The following PUM2 variants were observed in gnomAD, a reference collection of about 807,000 sequenced individuals.
PUM2 encodes the protein pumilio RNA binding family member 2.
In PUM2, 57 loss-of-function variants were observed where a neutral mutation model predicts 124.5. The ratio of observed to expected loss-of-function variants is 0.46; its 90% CI spans 0.37 to 0.57. PUM2 has a LOEUF of 0.57. PUM2 is among the 20% of genes least tolerant of loss of function. PUM2 has a pLI of 0.00. For synonymous variants in PUM2, 460 were observed against 446.1 expected, an observed-to-expected ratio of 1.03 and a Z score of -0.39; for missense variants, 1,065 against 1,290.6, an observed-to-expected ratio of 0.83 and a Z score of 2.68.
chr2:20,265,830 C>G (rs185432010), intron 13 of PUM2, among the ~76,000 whole-genome samples: 2 of 151,604 alleles, frequency 1.3e-5, no homozygotes, highest in East Asian at 3.9e-4. Flanking sequence ...TCCCCCACCC[C>G]ACTTACTCGT....
intron 7 of PUM2, among the ~76,000 whole-genome samples, chr2:20,304,444 CA>C (rs1677733560): frequency 6.6e-6 from 1 of 152,040 alleles, no homozygotes; most frequent in Non-Finnish European, 1.5e-5. Context: ...TTAAATGGTT[CA>C]AAAAAATAAA....
rs1674967428 is a variant in PUM2, at chr2:20,294,319, A to G, written c.1152+57T>C. On this transcript the variant is annotated intron_variant, in intron 9 of 20. Transcript: ENST00000361078. Reference sequence around the variant, plus strand: ...TCGAAAAACACAAATCTTAAACATTAGGAGCTCAAAGAATTTCAAAGAATA... The same window carrying G: ...TCGAAAAACACAAATCTTAAACATTGGGAGCTCAAAGAATTTCAAAGAATA... The G allele has an allele frequency of 3.8e-6, 6 of 1,567,000 alleles. No individual in the cohort carries two copies. In the East Asian group the frequency reaches 1.3e-4, roughly 35 times the overall value.
chr2:20,348,885 C>T (rs1388185200), intron 1 of PUM2, among the ~76,000 whole-genome samples: 1 of 152,246 alleles, frequency 6.6e-6, no homozygotes, highest in Admixed American at 6.5e-5. Flanking sequence ...GCCCAGATCT[C>T]ACCACCTGCA....
At chr2:20,257,020 G>A (rs1366328024) in intron 16 of PUM2, among the ~76,000 whole-genome samples, 3 of 132,746 alleles carry the variant, frequency 2.3e-5, no homozygotes, top group Non-Finnish European at 3.1e-5. Context: ...CTCCAGCCTG[G>A]GCGACACAGC....
At chr2:20,297,071 C>T (rs141817473) in intron 8 of PUM2, among the ~76,000 whole-genome samples, 1 of 152,238 alleles carries the variant, frequency 6.6e-6, no homozygotes, top group East Asian at 1.9e-4. Context: ...CCAACTTGAT[C>T]CAAACTTTTT....
In PUM2 at chr2:20,300,993, A is replaced by G. The variant is rs149968701; in HGVS notation, c.884-3315T>C. ...CAGTGAAAAACTAATCAGAAACTCA[A>G]AAGAATGCAATCATTTGTCTCTTAT... On this transcript the variant is annotated intron_variant, in intron 7 of 20. Transcript: ENST00000361078. Among the ~76,000 whole-genome samples the G allele has an allele frequency of 3.7e-3, 560 of 152,316 alleles. 6 individuals are homozygous for G. The highest frequency in any genetic ancestry group is 0.013 in the African/African-American group (545 of 41,568).
At chr2:20,302,675 G>A (rs1156800394) in intron 7 of PUM2, among the ~76,000 whole-genome samples, 3 of 152,084 alleles carry the variant, frequency 2.0e-5, no homozygotes, top group Non-Finnish European at 4.4e-5. Context: ...AATTGTCATA[G>A]TAATTGTTTT....
Position 20,316,099 on chromosome 2 carries a change from G to A in PUM2, c.160+2438C>T, listed in dbSNP as rs140322921. ...TTCAGAAAAACAAAAATTCCTTGAG[G>A]ACAAGGGTCATATAATTTATCTTTA... On this transcript the variant is annotated intron_variant, in intron 3 of 20. Coordinates refer to ENST00000361078, the MANE Select transcript of PUM2 (RefSeq NM_015317.5). Among the ~76,000 whole-genome samples the A allele has an allele frequency of 4.1e-3, 626 of 152,054 alleles. 7 individuals carry two copies. The highest frequency in any genetic ancestry group is 0.014 in the African/African-American group (589 of 41,484).
intron 2 of PUM2, among the ~76,000 whole-genome samples, chr2:20,324,921 T>TA (rs949508013): frequency 1.4e-5 from 2 of 147,270 alleles, no homozygotes; most frequent in African/African-American, 5.0e-5. Flanking sequence ...TAATCTATTT[T>TA]AAAAACCGTT....
intron 1 of PUM2, among the ~76,000 whole-genome samples, chr2:20,346,412 A>G (rs1203023001): frequency 6.6e-6 from 1 of 152,080 alleles, no homozygotes; most frequent in Non-Finnish European, 1.5e-5. Flanking sequence ...TACAATCCAC[A>G]TTTTTTTCTT....
At chr2:20,317,255 G>T (rs921534575) in intron 3 of PUM2, among the ~76,000 whole-genome samples, 1 of 151,604 alleles carries the variant, frequency 6.6e-6, no homozygotes, top group African/African-American at 2.4e-5. Flanking sequence ...TGTCACTCCT[G>T]CATGTTATAC....
At chr2:20,312,147 C>T in intron 4 of PUM2, 89 bp downstream of exon 4, 1 of 1,260,612 alleles carries the variant, frequency 7.9e-7, no homozygotes, top group African/African-American at 1.5e-5. Context: ...AGGAAGGGCA[C>T]AGAAAAACAA....
chr2:20,313,146 A>G (rs569653780), intron 3 of PUM2, among the ~76,000 whole-genome samples: 1 of 152,386 alleles, frequency 6.6e-6, no homozygotes, highest in South Asian at 2.1e-4. Context: ...TTCAGGACAT[A>G]GGAATGGGCA....
chr2:20,301,867 CTG>C (rs1677069909), intron 7 of PUM2, among the ~76,000 whole-genome samples: 1 of 152,232 alleles, frequency 6.6e-6, no homozygotes. Flanking sequence ...GCGTGAGCCA[CTG>C]TGCCCAGCCA....
At chr2:20,347,737 G>A (rs1159568097) in intron 1 of PUM2, among the ~76,000 whole-genome samples, 1 of 152,136 alleles carries the variant, frequency 6.6e-6, no homozygotes, top group African/African-American at 2.4e-5. Flanking sequence ...CACAGTGGAG[G>A]CATAATTTAG....
rs1666712693 is a variant in PUM2 at position 20,263,194 on chromosome 2, T to G, written c.2224A>C (p.Arg742=). ...GTGAGAAATATCATAATCACCTACC[T>G]AGAACCATGCTGGTCTTGAGAAAAC... ...VEFSQDQHGS[R]FIQQKLERAT... Residue 742 remains arginine (R), a splice_region_variant and synonymous_variant, in exon 14 of 21, where the codon AGA becomes CGA. Coordinates refer to ENST00000361078, the MANE Select transcript of PUM2 (RefSeq NM_015317.5). 1 of 1,594,402 alleles carries G rather than the reference T, an allele frequency of 6.3e-7. No homozygotes were observed. The highest frequency in any genetic ancestry group is 2.2e-5 in the East Asian group (1 of 44,800).
At chr2:20,266,601 A>G (rs927516375) in intron 13 of PUM2, among the ~76,000 whole-genome samples, 5 of 152,214 alleles carry the variant, frequency 3.3e-5, no homozygotes, top group African/African-American at 1.2e-4. Flanking sequence ...TCTCTCACAA[A>G]TAAGTGTGTA....
At chr2:20,282,886 T>G in intron 12 of PUM2, 61 bp downstream of exon 12, 2 of 1,496,924 alleles carry the variant, frequency 1.3e-6, no homozygotes, top group Non-Finnish European at 9.1e-7. Flanking sequence ...ATTTTAATGT[T>G]AAACACACTC....
chr2:20,314,986 A>AT (rs1019306941), intron 3 of PUM2, among the ~76,000 whole-genome samples: 2 of 151,910 alleles, frequency 1.3e-5, no homozygotes, highest in East Asian at 3.8e-4. Context: ...GAAAAAAAAA[A>AT]AAAGCAAAAG....
Sources: gnomAD v4.1 joint callset for allele counts (sites outside exome capture counted in the v4.1 genomes callset) on GRCh38, gnomAD v4.1.1 for gene constraint, MANE v1.5 for transcripts, NCBI Gene and HGNC (gene_info 2026-07-23, HGNC 2026-07-21) for gene names.